The following KALRN variants were observed in gnomAD, a reference collection of about 807,000 sequenced individuals.
KALRN encodes kalirin.
KALRN carries 70 observed loss-of-function variants against 353.7 expected under a neutral mutation model. That is an observed-to-expected ratio of 0.20 (90% CI 0.16 to 0.24). The LOEUF (loss-of-function observed/expected upper bound fraction) is 0.24. Ranked by LOEUF, KALRN falls within the 10% of genes least tolerant of loss-of-function variation. The probability of loss-of-function intolerance (pLI) is 1.00; values close to 1 mark genes in which losing one functional copy is unlikely to be tolerated. For synonymous variants in KALRN, 1,391 were observed against 1,434.8 expected (o/e 0.97, Z 0.69); for missense variants, 2,791 against 3,756.7 (o/e 0.74, Z 6.72).
In KALRN at chr3:124,633,770, G is replaced by A; in HGVS notation, c.5467-82G>A. The A allele has an allele frequency of 5.2e-6, 6 of 1,152,032 alleles. No homozygotes were observed. In the South Asian group the frequency reaches 5.4e-5, roughly 10 times the overall value. 71.4% of individuals were successfully genotyped at this position (1,152,032 alleles called of 1,614,324 possible). On this transcript the variant is annotated intron_variant, in intron 35 of 59. Transcript: ENST00000682506. Reference sequence around the variant, plus strand: ...GTTGAGAGAGGAACTCTCCTCCTATGTATTATTTTTGTTAATGTCAAGTCC... The same window carrying A: ...GTTGAGAGAGGAACTCTCCTCCTATATATTATTTTTGTTAATGTCAAGTCC...
chr3:124,569,242 G>A (rs898009735), intron 34 of KALRN, among the ~76,000 whole-genome samples: 7 of 152,126 alleles, frequency 4.6e-5, no homozygotes, highest in Non-Finnish European at 1.0e-4. Context: ...GCTTGTTCAT[G>A]AGGAGTCCTC....
chr3:124,322,442 G>A (rs2079433199), intron 6 of KALRN, among the ~76,000 whole-genome samples: 2 of 152,198 alleles, frequency 1.3e-5, no homozygotes, highest in Admixed American at 6.5e-5. Flanking sequence ...TGACTAATGG[G>A]CAGCTCTGCA....
intron 22 of KALRN, among the ~76,000 whole-genome samples, chr3:124,456,038 T>C (rs1305435880): frequency 6.6e-6 from 1 of 152,210 alleles, no homozygotes; most frequent in Non-Finnish European, 1.5e-5. Context: ...CAGGCTTTAA[T>C]CTGTGAGTTT....
intron 5 of KALRN, among the ~76,000 whole-genome samples, chr3:124,278,960 G>T (rs2075069390): frequency 6.6e-6 from 1 of 152,116 alleles, no homozygotes; most frequent in Admixed American, 6.5e-5. Flanking sequence ...CATTTTCCCT[G>T]TTCCTCTTCT....
intron 1 of KALRN, among the ~76,000 whole-genome samples, chr3:124,069,354 AGGAGGAGGAGG>A (rs61535932): frequency 0.51 from 72,079 of 141,908 alleles, 21,951 homozygotes; most frequent in Non-Finnish European, 0.66. Context: ...GAGGAGGAGG[AGGAGGAGGAGG>A]AGGAGGAAAT....
intron 34 of KALRN, among the ~76,000 whole-genome samples, chr3:124,620,848 C>T (rs1578401963): frequency 6.6e-6 from 1 of 152,150 alleles, no homozygotes; most frequent in South Asian, 2.1e-4. Context: ...AACCCGAGGT[C>T]GAGGAGACCT....
intron 13 of KALRN, among the ~76,000 whole-genome samples, chr3:124,410,030 T>C (rs2091996336): frequency 6.6e-6 from 1 of 152,028 alleles, no homozygotes; most frequent in Admixed American, 6.6e-5. Flanking sequence ...AATTCAATGG[T>C]GTCAGATGAT....
At chr3:124,386,114 C>T (rs182763855) in intron 11 of KALRN, among the ~76,000 whole-genome samples, 5 of 152,288 alleles carry the variant, frequency 3.3e-5, no homozygotes, top group African/African-American at 9.6e-5. Context: ...ATAGTGTTCT[C>T]TAAACTGAGA....
rs143877542 is a variant in KALRN at position 124,179,343 on chromosome 3, G to A, written c.74-48647G>A. On this transcript the variant is annotated intron_variant, in intron 1 of 59. Transcript: ENST00000682506. ...ACATATTAGCCTAGGCCTACACAGGGTCAGAATCATCAATATCACTGTCTT... is the reference window on the plus strand; with the variant it reads ...ACATATTAGCCTAGGCCTACACAGGATCAGAATCATCAATATCACTGTCTT... Among the ~76,000 whole-genome samples, 1,002 of 152,040 alleles carry A rather than the reference G, an allele frequency of 6.6e-3. 6 individuals carry two copies. The highest frequency in any genetic ancestry group is 0.011 in the Non-Finnish European group (762 of 67,992).
intron 54 of KALRN, among the ~76,000 whole-genome samples, chr3:124,697,292 C>T (rs530286055): frequency 2.6e-5 from 4 of 152,250 alleles, no homozygotes; most frequent in South Asian, 2.1e-4. Context: ...GCAAATGAGA[C>T]GAGAACGAAT....
intron 15 of KALRN, among the ~76,000 whole-genome samples, chr3:124,423,411 A>G (rs565917828): frequency 6.6e-6 from 1 of 152,358 alleles, no homozygotes; most frequent in Non-Finnish European, 1.5e-5. Flanking sequence ...AGCAATTACC[A>G]TCACTATTTC....
chr3:124,085,766 TAAC>T (rs2060783941), intron 1 of KALRN, among the ~76,000 whole-genome samples: 1 of 152,220 alleles, frequency 6.6e-6, no homozygotes, highest in Non-Finnish European at 1.5e-5. Context: ...AAAAAAATTA[TAAC>T]AACATAAAAT....
intron 34 of KALRN, among the ~76,000 whole-genome samples, chr3:124,618,086 CTTTTTTTTTTTTTTTTTTTTTTTTT>C (rs71145464): frequency 1.1e-4 from 7 of 63,352 alleles, no homozygotes; most frequent in South Asian, 1.5e-3. Flanking sequence ...GTGCAGAAAT[CTTTTTTTTTTTTTTTTTTTTTTTTT>C]TTTTTTTTTT....
At chr3:124,232,063 T>C (rs879854369) in intron 2 of KALRN, among the ~76,000 whole-genome samples, 12 of 152,314 alleles carry the variant, frequency 7.9e-5, no homozygotes, top group Admixed American at 4.6e-4. Context: ...TGGGAGAGGA[T>C]GGATATGAGA....
At chr3:124,073,078 A>G (rs1379004966) in intron 1 of KALRN, among the ~76,000 whole-genome samples, 1 of 152,228 alleles carries the variant, frequency 6.6e-6, no homozygotes, top group Non-Finnish European at 1.5e-5. Context: ...TACACTGATT[A>G]TAGTGAACTG....
In KALRN at chr3:124,637,195, C is replaced by G. The variant is rs114842721; in HGVS notation, c.5569-13C>G. 1 of 1,602,086 alleles carries G rather than the reference C, an allele frequency of 6.2e-7. No individual in the cohort carries two copies. Among genetic ancestry groups the G allele is most frequent in the Non-Finnish European group, 8.6e-7 (1 of 1,169,064 alleles). ...GCTAATCTGCTTTTCCTCTGCTGCC[C>G]GATGTCTTGCAGTCCTCCTCTTTGC... On this transcript the variant is annotated splice_polypyrimidine_tract_variant and intron_variant, in intron 36 of 59. Transcript: ENST00000682506.
chr3:124,623,568 G>A (rs1482283370), intron 34 of KALRN, among the ~76,000 whole-genome samples: 1 of 152,046 alleles, frequency 6.6e-6, no homozygotes, highest in Non-Finnish European at 1.5e-5. Context: ...ATCCAGCACT[G>A]GAGAAAGATG....
At chr3:124,198,713 A>C (rs1173204225) in intron 1 of KALRN, among the ~76,000 whole-genome samples, 1 of 152,202 alleles carries the variant, frequency 6.6e-6, no homozygotes, top group African/African-American at 2.4e-5. Context: ...GCATGTATGT[A>C]TACATGCAAT....
At chr3:124,632,725 G>A (rs755243863) in intron 35 of KALRN, 22 bp downstream of exon 35, 4 of 1,605,674 alleles carry the variant, frequency 2.5e-6, no homozygotes, top group African/African-American at 1.3e-5. Flanking sequence ...GGGCCCTGGA[G>A]TTGTCCATCA....
Sources: gnomAD v4.1 joint callset for allele counts (sites outside exome capture counted in the v4.1 genomes callset) on GRCh38, gnomAD v4.1.1 for gene constraint, MANE v1.5 for transcripts, NCBI Gene and HGNC (gene_info 2026-07-23, HGNC 2026-07-21) for gene names.